GALNT5: variants seen among roughly 807,000 people sequenced by gnomAD.
The protein encoded by GALNT5 is polypeptide N-acetylgalactosaminyltransferase 5, also known as UDP-GalNAc:polypeptide N-acetylgalactosaminyltransferase 5.
Under a neutral mutation model 85.4 loss-of-function variants are expected in GALNT5, and 72 were observed. The ratio of observed to expected loss-of-function variants is 0.84; its 90% confidence interval spans 0.70 to 1.03. The LOEUF (loss-of-function observed/expected upper bound fraction) is 1.03. Ranked by LOEUF, GALNT5 falls within the 50% of genes least tolerant of loss-of-function variation. GALNT5 has a pLI of 0.00. For missense variants in GALNT5, 1,137 were observed against 1,135.5 expected (o/e 1.00, Z -0.02); for synonymous variants, 404 against 397.0 (o/e 1.02, Z -0.21).
At chr2:157,296,538 G>C (rs754349661) in intron 5 of GALNT5, 25 bp downstream of exon 5, 20 of 1,581,018 alleles carry the variant, frequency 1.3e-5, no homozygotes, top group Non-Finnish European at 1.6e-5. Flanking sequence ...TTTAAGACTA[G>C]AAAGCAGTCA....
At chr2:157,270,016 CTCAT>C (rs914025226) in intron 1 of GALNT5, among the ~76,000 whole-genome samples, 1 of 151,920 alleles carries the variant, frequency 6.6e-6, no homozygotes, top group African/African-American at 2.4e-5. Flanking sequence ...ATGTGAATTT[CTCAT>C]TAATTTATAT....
chr2:157,281,357 G>A (rs914256498), intron 1 of GALNT5, among the ~76,000 whole-genome samples: 2 of 152,284 alleles, frequency 1.3e-5, no homozygotes, highest in South Asian at 2.1e-4. Context: ...CCAGCCAGGT[G>A]GATTTCTTTG....
chr2:157,292,996 C>T (rs545621990), intron 3 of GALNT5, among the ~76,000 whole-genome samples: 34 of 152,270 alleles, frequency 2.2e-4, no homozygotes, highest in African/African-American at 3.1e-4. Context: ...GCCACCACAC[C>T]CGGCCAGGAA....
intron 1 of GALNT5, among the ~76,000 whole-genome samples, chr2:157,266,487 T>C (rs1452907202): frequency 6.6e-6 from 1 of 152,176 alleles, no homozygotes; most frequent in Non-Finnish European, 1.5e-5. Context: ...AATCCCTCCA[T>C]TGCTCAGCTT....
rs1171921506 is a variant in GALNT5, at chr2:157,316,382, T to A, written c.*5034T>A. On this transcript the variant is annotated 3_prime_UTR_variant, in exon 10 of 10. Coordinates refer to ENST00000259056, the MANE Select transcript of GALNT5 (RefSeq NM_014568.3). ...ACCCTTTCTAATGGCCTAAAATAAA[T>A]TTTTAATGACTCCTGTATTAATATT... 1.3e-5 allele frequency among the ~76,000 whole-genome samples: 2 copies of A among 151,882 alleles called. No individual in the cohort carries two copies. The highest frequency in any genetic ancestry group is 2.9e-5 in the Non-Finnish European group (2 of 67,970).
intron 1 of GALNT5, among the ~76,000 whole-genome samples, chr2:157,263,737 A>G (rs900956507): frequency 2.0e-5 from 3 of 152,238 alleles, no homozygotes; most frequent in Non-Finnish European, 1.5e-5. Flanking sequence ...AAAAATAATC[A>G]AAAGGTAGCA....
At chr2:157,298,800 T>C (rs1436679369) in intron 5 of GALNT5, 2 of 152,200 alleles carry the variant, frequency 1.3e-5, no homozygotes, top group African/African-American at 2.4e-5. Context: ...TGGCACAGCG[T>C]CCCCTCAGAC....
chr2:157,264,140 G>A (rs1431814036), intron 1 of GALNT5, among the ~76,000 whole-genome samples: 6 of 150,646 alleles, frequency 4.0e-5, no homozygotes, highest in Non-Finnish European at 8.8e-5. Context: ...CCTAATGATT[G>A]AAGTTTGTTT....
rs1416458086 is a variant in GALNT5, at chr2:157,290,112, T to TATATATATATATATACACACAC, written c.1741+3979_1741+3980insTATATATATATATACACACACA. On this transcript the variant is annotated intron_variant, in intron 3 of 9. Transcript: ENST00000259056. The stretch of plus-strand genomic sequence containing the variant: ...GTATATATATATATATATATATATA[T>TATATATATATATATACACACAC]ACATACACAAACACATATATACATA... Among the ~76,000 whole-genome samples, 75 of 138,208 alleles carry TATATATATATATATACACACAC rather than the reference T, an allele frequency of 5.4e-4. 1 individual carries two copies. The highest frequency in any genetic ancestry group is 1.8e-3 in the African/African-American group (57 of 32,546). 90.7% of individuals were successfully genotyped at this position (138,208 alleles called of 152,430 possible).
At chr2:157,272,034 A>G (rs941380455) in intron 1 of GALNT5, among the ~76,000 whole-genome samples, 4 of 152,146 alleles carry the variant, frequency 2.6e-5, no homozygotes, top group African/African-American at 9.7e-5. Context: ...GTAGTGTCTC[A>G]TGGGACAAAA....
At chr2:157,305,093 C>A (rs1318405453) in intron 7 of GALNT5, among the ~76,000 whole-genome samples, 1 of 152,152 alleles carries the variant, frequency 6.6e-6, no homozygotes, top group Non-Finnish European at 1.5e-5. Context: ...GAAAGGAAAT[C>A]AACATTTTTC....
rs187784514 is a variant in GALNT5, at chr2:157,300,910, C to A, written c.2350C>A (p.Arg784=). The change falls in exon 7 of 10, where the codon CGA becomes AGA. Residue 784 remains arginine (R), a synonymous_variant. Transcript: ENST00000259056. ...CAACCTCACCCAGCAAAGGGAGCTG[C>A]GAAAGAAACTGAAGTGCAAAAGTTT... is the stretch of plus-strand genomic sequence containing the variant. ...VGNLTQQREL[R]KKLKCKSFKW... 1 of 1,613,910 alleles carries A rather than the reference C, an allele frequency of 6.2e-7. No homozygotes were observed. The highest frequency in any genetic ancestry group is 8.5e-7 in the Non-Finnish European group (1 of 1,179,918).
At chr2:157,304,588 A>G (rs1683414299) in intron 7 of GALNT5, among the ~76,000 whole-genome samples, 1 of 152,170 alleles carries the variant, frequency 6.6e-6, no homozygotes, top group Non-Finnish European at 1.5e-5. Context: ...CATTCAACTG[A>G]AGATCTGTTT....
intron 4 of GALNT5, among the ~76,000 whole-genome samples, chr2:157,296,153 T>TC (rs397780095): frequency 2.0e-5 from 3 of 151,988 alleles, no homozygotes; most frequent in Admixed American, 6.6e-5. Context: ...GTATTTTTTT[T>TC]CTTCAAAACT....
At chr2:157,273,941 A>G (rs1453849026) in intron 1 of GALNT5, among the ~76,000 whole-genome samples, 6 of 152,010 alleles carry the variant, frequency 3.9e-5, no homozygotes, top group Non-Finnish European at 8.8e-5. Flanking sequence ...CGTCATTTAC[A>G]TTAGGTATTT....
chr2:157,293,713 C>G (rs543813760), intron 3 of GALNT5, among the ~76,000 whole-genome samples: 1 of 152,296 alleles, frequency 6.6e-6, no homozygotes, highest in Non-Finnish European at 1.5e-5. Flanking sequence ...GCAAAAATGC[C>G]ATTGTTAACC....
At chr2:157,276,646 T>C (rs991364803) in intron 1 of GALNT5, among the ~76,000 whole-genome samples, 1 of 152,218 alleles carries the variant, frequency 6.6e-6, no homozygotes, top group Non-Finnish European at 1.5e-5. Context: ...TGGTAGTTTG[T>C]ATTTCTGTGG....
At chr2:157,297,308 C>T (rs1040295554) in intron 5 of GALNT5, among the ~76,000 whole-genome samples, 2 of 152,188 alleles carry the variant, frequency 1.3e-5, no homozygotes, top group African/African-American at 4.8e-5. Flanking sequence ...CAGAATTATT[C>T]CACCAAGCAA....
intron 1 of GALNT5, among the ~76,000 whole-genome samples, chr2:157,269,464 G>A (rs572166309): frequency 6.6e-6 from 1 of 152,206 alleles, no homozygotes; most frequent in African/African-American, 2.4e-5. Context: ...ATCTTCCACA[G>A]AATTTCTTCA....
Sources: allele counts gnomAD v4.1 joint callset (sites outside exome capture counted in the v4.1 genomes callset), GRCh38; gene constraint gnomAD v4.1.1; transcripts MANE v1.5; gene names NCBI Gene and HGNC (gene_info 2026-07-23, HGNC 2026-07-21).